The following WASHC2C variants were observed in gnomAD, a reference collection of about 807,000 sequenced individuals.
The protein encoded by WASHC2C is Vaccinia Penetration Factor.
WASHC2C carries 73 observed loss-of-function variants against 142.2 expected under a neutral mutation model. The observed-to-expected ratio is 0.51, with a 90% CI of 0.43 to 0.62. The LOEUF is 0.62. Ranked by LOEUF, WASHC2C falls within the 20% of genes least tolerant of loss-of-function variation. The pLI is 0.00. For synonymous variants in WASHC2C, 337 were observed against 565.5 expected, an observed-to-expected ratio of 0.60 and a Z score of 5.73; for missense variants, 969 against 1,531.7, an observed-to-expected ratio of 0.63 and a Z score of 6.13.
intron 3 of WASHC2C, among the ~76,000 whole-genome samples, chr10:45,736,109 A>G (rs1343243597): frequency 2.7e-5 from 1 of 37,412 alleles, no homozygotes; most frequent in Non-Finnish European, 5.4e-5. Context: ...ATCTCTACTA[A>G]AAAAAAAAAA....
chr10:45,773,892 C>CAAA (rs71023148), intron 21 of WASHC2C, among the ~76,000 whole-genome samples: 22 of 31,080 alleles, frequency 7.1e-4, no homozygotes, highest in South Asian at 1.2e-3. Context: ...TACTGCAGGC[C>CAAA]AAAAAAAAAA....
At chr10:45,791,265 C>T (rs1210463983) in intron 30 of WASHC2C, among the ~76,000 whole-genome samples, 7 of 152,236 alleles carry the variant, frequency 4.6e-5, no homozygotes, top group African/African-American at 1.7e-4. Flanking sequence ...CCCTGCTTCC[C>T]ACCACATGGA....
rs1275286031 is a variant in WASHC2C at position 45,727,633 on chromosome 10, C to G, written c.126+94C>G. ...ACCGCGACTGCCCCTGCACCTGGCC[C>G]GTCCCGTTGCCTGCCCTCTTAGGAA... is the stretch of plus-strand genomic sequence containing the variant. On this transcript the variant is annotated intron_variant, in intron 2 of 30. Coordinates refer to ENST00000623400, the MANE Select transcript of WASHC2C (RefSeq NM_001330074.2). The G allele has an allele frequency of 2.9e-6, 4 of 1,375,864 alleles. No individual in the cohort carries two copies. The East Asian group carries it at 7.8e-5, about 27-fold the overall frequency. The allele number at this position is 1,375,864 out of a possible 1,614,324, so 85.2% of individuals were successfully genotyped here.
chr10:45,787,567 C>G (rs4291634), intron 28 of WASHC2C, among the ~76,000 whole-genome samples: 2,067 of 150,442 alleles, frequency 0.014, 49 homozygotes, highest in African/African-American at 0.048. Flanking sequence ...AGATCATGCC[C>G]CTCCTGCTGG....
Position 45,789,039 on chromosome 10 carries a change from G to A in WASHC2C, c.3256G>A (p.Ala1086Thr), listed in dbSNP as rs1348343930. Residue 1086 changes from alanine (A) to threonine (T), a missense_variant, in exon 29 of 31, where the codon GCC becomes ACC. By Grantham distance (58) the Ala-to-Thr change is moderately conservative. Transcript: ENST00000623400. The stretch of plus-strand genomic sequence containing the variant: ...TGGCCATCGGCCACAGCTCAGAGCA[G>A]CCAGTGGAGAAGACAGCACTGAGGA... ...PNGHRPQLRA[A>T]SGEDSTEEAL... 5.1e-4 allele frequency: 830 copies of A among 1,612,054 alleles called. 6 individuals are homozygous for A. The African/African-American group carries it at 9.8e-3, about 19-fold the overall frequency.
intron 20 of WASHC2C, 134 bp from the exon 21 acceptor site, chr10:45,773,122 G>A (rs2056749862): frequency 2.1e-6 from 1 of 486,700 alleles, no homozygotes; most frequent in African/African-American, 2.1e-5. Flanking sequence ...AACTGTGTAA[G>A]GTCAACTAAT....
chr10:45,775,839 C>CTATGCCT (rs2057029960), intron 21 of WASHC2C, among the ~76,000 whole-genome samples: 2 of 151,606 alleles, frequency 1.3e-5, no homozygotes, highest in African/African-American at 4.8e-5. Context: ...CCACCATGCC[C>CTATGCCT]GACTAATTTT....
intron 20 of WASHC2C, among the ~76,000 whole-genome samples, chr10:45,770,145 G>A (rs1554884099): frequency 6.6e-6 from 1 of 151,244 alleles, no homozygotes; most frequent in African/African-American, 2.4e-5. Flanking sequence ...GGAGGCTGAG[G>A]CAGAAGAATG....
At position 45,762,049 on chromosome 10, in the gene WASHC2C, C is replaced by G. The variant is rs545120627; in HGVS notation, c.1636-1339C>G. On this transcript the variant is annotated intron_variant, in intron 17 of 30. Transcript: ENST00000623400. Reference sequence around the variant, plus strand: ...CTGTCCAAAGAGGTCTTAGAAATATCTTCTTGTCCTATTTAATTGTTCGGC... The same window carrying G: ...CTGTCCAAAGAGGTCTTAGAAATATGTTCTTGTCCTATTTAATTGTTCGGC... 1.6e-3 allele frequency among the ~76,000 whole-genome samples: 237 copies of G among 148,934 alleles called. 1 individual carries two copies. The South Asian group carries it at 0.016, about 10-fold the overall frequency.
intron 8 of WASHC2C, 62 bp downstream of exon 8, chr10:45,746,709 C>G (rs1442250197): frequency 5.0e-6 from 8 of 1,586,270 alleles, no homozygotes; most frequent in Non-Finnish European, 6.9e-6. Flanking sequence ...AGTATATATA[C>G]TAAAATTACT....
chr10:45,749,926 T>G (rs2053392572), intron 8 of WASHC2C, among the ~76,000 whole-genome samples, 170 bp from the exon 9 acceptor site: 1 of 145,782 alleles, frequency 6.9e-6, no homozygotes, highest in African/African-American at 2.5e-5. Flanking sequence ...AAAGTAAATC[T>G]TGTGTATTAT....
At chr10:45,784,324 A>G in intron 23 of WASHC2C, among the ~76,000 whole-genome samples, 1 of 109,544 alleles carries the variant, frequency 9.1e-6, no homozygotes, top group Non-Finnish European at 1.9e-5. Flanking sequence ...ACACACATAT[A>G]TATATATATG....
chr10:45,784,511 T>C, intron 23 of WASHC2C, 54 bp from the exon 24 acceptor site: 5 of 1,567,640 alleles, frequency 3.2e-6, no homozygotes, highest in Non-Finnish European at 4.3e-6. Context: ...TGTAACTTCC[T>C]TGAGATAAGT....
At chr10:45,781,216 A>G (rs2057477174) in intron 23 of WASHC2C, among the ~76,000 whole-genome samples, 1 of 152,214 alleles carries the variant, frequency 6.6e-6, no homozygotes, top group African/African-American at 2.4e-5. Context: ...AAAGAAATTA[A>G]AGACCTAAAA....
At position 45,748,753 on chromosome 10, in the gene WASHC2C, GA is replaced by G. The variant is rs1237349912; in HGVS notation, c.733-1335del. ...GGCACAGTTCATTGATTCAAACATT[GA>G]AAAAAAATTTTTTTAATTATACATA... On this transcript the variant is annotated intron_variant, in intron 8 of 30. Transcript: ENST00000623400. Among the ~76,000 whole-genome samples, 6 of 151,742 alleles carry G rather than the reference GA, an allele frequency of 4.0e-5. No individual in the cohort carries two copies. The East Asian group carries it at 7.8e-4, about 20-fold the overall frequency.
chr10:45,734,327 C>T (rs1221993102), intron 3 of WASHC2C, among the ~76,000 whole-genome samples: 1 of 150,364 alleles, frequency 6.7e-6, no homozygotes, highest in Admixed American at 6.6e-5. Flanking sequence ...TTTTTCTGTT[C>T]TTGTTTTTTA....
intron 6 of WASHC2C, 45 bp downstream of exon 6, chr10:45,743,528 T>A (rs369067302): frequency 5.6e-6 from 9 of 1,599,952 alleles, no homozygotes; most frequent in Non-Finnish European, 7.7e-6. Flanking sequence ...CATTTCTTTT[T>A]TATTTTAAAA....
chr10:45,765,398 C>T (rs1214379874), intron 18 of WASHC2C, among the ~76,000 whole-genome samples: 2 of 150,648 alleles, frequency 1.3e-5, no homozygotes, highest in African/African-American at 4.9e-5. Context: ...CTGGATGGGG[C>T]TCAGTTTCTC....
At chr10:45,756,408 T>C (rs1364352238) in intron 15 of WASHC2C, among the ~76,000 whole-genome samples, 33 of 152,332 alleles carry the variant, frequency 2.2e-4, no homozygotes, top group African/African-American at 7.2e-4. Context: ...TGTAGGTACA[T>C]TGAGTGGAAA....
Sources: gnomAD v4.1 joint callset for allele counts (sites outside exome capture counted in the v4.1 genomes callset) on GRCh38, gnomAD v4.1.1 for gene constraint, MANE v1.5 for transcripts, NCBI Gene and HGNC (gene_info 2026-07-23, HGNC 2026-07-21) for gene names.